Variants in NINJ2 observed in about 807,000 individuals in gnomAD.
NINJ2 encodes ninjurin 2, also known as ninjurin-2.
A neutral mutation model predicts 11.7 loss-of-function variants in NINJ2; 12 were observed. The observed-to-expected ratio is 1.02, with a 90% CI of 0.66 to 1.66. The LOEUF is 1.66. NINJ2 is among the 40% of genes most tolerant of loss of function. The pLI is 0.00. For missense variants in NINJ2, 187 were observed against 181.8 expected (o/e 1.03, Z -0.16); for synonymous variants, 93 against 76.8 (o/e 1.21, Z -1.10).
At chr12:612,170 G>A (rs758115548) in intron 1 of NINJ2, among the ~76,000 whole-genome samples, 54 of 152,206 alleles carry the variant, frequency 3.5e-4, no homozygotes, top group Non-Finnish European at 5.9e-4. Flanking sequence ...CCCAAACACC[G>A]TGGAGCTACT....
intron 1 of NINJ2, among the ~76,000 whole-genome samples, chr12:609,025 G>A (rs1030448902): frequency 6.6e-6 from 1 of 151,782 alleles, no homozygotes; most frequent in Non-Finnish European, 1.5e-5. Flanking sequence ...CACGCTAGGG[G>A]CTGTACGCAC....
At chr12:578,091 A>T (rs867893223) in intron 1 of NINJ2, among the ~76,000 whole-genome samples, 1 of 152,238 alleles carries the variant, frequency 6.6e-6, no homozygotes, top group South Asian at 2.1e-4. Context: ...TAAGAAAAGC[A>T]CTGTGAAGAT....
chr12:565,168 G>A, intron 3 of NINJ2, 49 bp downstream of exon 3: 2 of 1,479,652 alleles, frequency 1.4e-6, no homozygotes, highest in Non-Finnish European at 9.1e-7. Flanking sequence ...GGAGAGAGAA[G>A]GGCCACCTGG....
intron 2 of NINJ2, 199 bp from the exon 3 acceptor site, chr12:565,600 C>T (rs1947285320): frequency 6.4e-6 from 4 of 625,552 alleles, no homozygotes; most frequent in East Asian, 5.5e-5. Flanking sequence ...TGTGCTTCAT[C>T]CCACCAGGAT....
chr12:582,273 G>A (rs936686297), intron 1 of NINJ2, among the ~76,000 whole-genome samples: 2 of 151,140 alleles, frequency 1.3e-5, no homozygotes, highest in Non-Finnish European at 2.9e-5. Context: ...AGGCATGCTA[G>A]TGTGAATGAA....
At chr12:600,669 T>G (rs1013758912) in intron 1 of NINJ2, among the ~76,000 whole-genome samples, 2 of 123,082 alleles carry the variant, frequency 1.6e-5, no homozygotes, top group African/African-American at 5.9e-5. Context: ...TGTGTGTGTG[T>G]GTGTGTGTGT....
intron 1 of NINJ2, among the ~76,000 whole-genome samples, chr12:588,165 G>T (rs61919377): frequency 0.27 from 38,121 of 142,176 alleles, 5,280 homozygotes; most frequent in Admixed American, 0.36. Flanking sequence ...GAAGGGAAGG[G>T]ACGGAAGGGA....
chr12:571,327 G>A (rs985813488), intron 1 of NINJ2, among the ~76,000 whole-genome samples: 1 of 152,244 alleles, frequency 6.6e-6, no homozygotes, highest in African/African-American at 2.4e-5. Context: ...AGAGGACGTG[G>A]GTTTGATGAT....
intron 1 of NINJ2, among the ~76,000 whole-genome samples, chr12:650,348 G>C (rs1489005187): frequency 2.0e-5 from 3 of 152,084 alleles, no homozygotes; most frequent in African/African-American, 7.2e-5. Flanking sequence ...CCTGAGCTCA[G>C]GTGATGTACC....
chr12:650,822 T>A (rs1937775626), intron 1 of NINJ2, among the ~76,000 whole-genome samples: 1 of 152,138 alleles, frequency 6.6e-6, no homozygotes, highest in Non-Finnish European at 1.5e-5. Context: ...AGCCACTCTA[T>A]CCTAACGAGT....
intron 1 of NINJ2, among the ~76,000 whole-genome samples, chr12:571,259 G>A (rs1947371817): frequency 6.6e-6 from 1 of 152,280 alleles, no homozygotes; most frequent in African/African-American, 2.4e-5. Flanking sequence ...GGCCAGTGCA[G>A]GGAAGGTGGG....
At chr12:576,516 G>A (rs1386871215) in intron 1 of NINJ2, among the ~76,000 whole-genome samples, 2 of 152,230 alleles carry the variant, frequency 1.3e-5, no homozygotes, top group African/African-American at 4.8e-5. Context: ...TTTTCTTGGG[G>A]CAGGCCCTTG....
chr12:605,503 T>C (rs1395372781), intron 1 of NINJ2, among the ~76,000 whole-genome samples: 1 of 152,224 alleles, frequency 6.6e-6, no homozygotes, highest in African/African-American at 2.4e-5. Flanking sequence ...GAAGCTGCAG[T>C]GAGCTGTGAT....
chr12:627,041 T>TA, intron 1 of NINJ2, among the ~76,000 whole-genome samples: 1 of 152,122 alleles, frequency 6.6e-6, no homozygotes, highest in Non-Finnish European at 1.5e-5. Flanking sequence ...GCTATGATTG[T>TA]ACCACTGAAC....
intron 1 of NINJ2, among the ~76,000 whole-genome samples, chr12:639,709 T>C (rs1468698268): frequency 6.6e-6 from 1 of 152,188 alleles, no homozygotes; most frequent in Admixed American, 6.5e-5. Context: ...GTTAGTCAAG[T>C]GATATACATA....
At chr12:660,404 G>C (rs1317560735) in intron 1 of NINJ2, among the ~76,000 whole-genome samples, 2 of 144,828 alleles carry the variant, frequency 1.4e-5, no homozygotes, top group Non-Finnish European at 3.0e-5. Flanking sequence ...GCAGTGGCAC[G>C]ATCTCCGCTC....
At chr12:624,744 G>C in intron 1 of NINJ2, among the ~76,000 whole-genome samples, 1 of 151,602 alleles carries the variant, frequency 6.6e-6, no homozygotes, top group East Asian at 1.9e-4. Flanking sequence ...AGGAGATGGA[G>C]GTTGCAGTGA....
chr12:630,704 G>GC (rs943866637), intron 1 of NINJ2, among the ~76,000 whole-genome samples: 1 of 152,216 alleles, frequency 6.6e-6, no homozygotes, highest in African/African-American at 2.4e-5. Flanking sequence ...CCTGTATAAT[G>GC]CAAATCCCCA....
chr12:587,249 A>C (rs11063746), intron 1 of NINJ2, among the ~76,000 whole-genome samples: 40,501 of 152,068 alleles, frequency 0.27, 5,716 homozygotes, highest in South Asian at 0.37. Flanking sequence ...GCAAACGGGG[A>C]GGTCTGCATC....
Sources: gnomAD v4.1 joint callset for allele counts (sites outside exome capture counted in the v4.1 genomes callset) on GRCh38, gnomAD v4.1.1 for gene constraint, MANE v1.5 for transcripts, NCBI Gene and HGNC (gene_info 2026-07-23, HGNC 2026-07-21) for gene names.